The following ZMYM4 variants were observed in gnomAD, a reference collection of about 807,000 sequenced individuals.
ZMYM4 encodes the protein zinc finger MYM-type containing 4.
In ZMYM4, 31 loss-of-function variants were observed where a neutral mutation model predicts 183.2. That is an observed-to-expected ratio of 0.17 (90% CI 0.13 to 0.23). ZMYM4 has a LOEUF of 0.23. Ranked by LOEUF, ZMYM4 falls within the 10% of genes least tolerant of loss-of-function variation. The probability of loss-of-function intolerance (pLI) is 1.00; values close to 1 mark genes in which losing one functional copy is unlikely to be tolerated. For missense variants in ZMYM4, 1,273 were observed against 1,840.3 expected, an observed-to-expected ratio of 0.69 and a Z score of 5.64; for synonymous variants, 592 against 631.2, an observed-to-expected ratio of 0.94 and a Z score of 0.93.
At chr1:35,351,298 T>C in intron 2 of ZMYM4, 1 of 1,581,302 alleles carries the variant, frequency 6.3e-7, no homozygotes, top group Non-Finnish European at 8.6e-7. Context: ...AATGCAGAAG[T>C]ACACCGGAAG....
intron 1 of ZMYM4, among the ~76,000 whole-genome samples, chr1:35,298,098 A>G (rs1239747836): frequency 6.6e-6 from 1 of 152,218 alleles, no homozygotes; most frequent in Non-Finnish European, 1.5e-5. Flanking sequence ...ACCAGCTTCA[A>G]GGCTGAGATT....
rs1231646476 is a variant in ZMYM4, at chr1:35,352,386, G to GCGCGCACACACACA, written c.86-6538_86-6537insGCGCACACACACAC. Among the ~76,000 whole-genome samples, 222 of 128,470 alleles carry GCGCGCACACACACA rather than the reference G, an allele frequency of 1.7e-3. 2 individuals carry two copies. In the East Asian group the frequency reaches 0.018, roughly 11 times the overall value. The allele number at this position is 128,470 out of a possible 152,430, so 84.3% of individuals were successfully genotyped here. A position where few individuals can be genotyped will look rare whatever the true frequency, so the allele number is the denominator to read the frequency against. On this transcript the variant is annotated intron_variant, in intron 2 of 29. Transcript: ENST00000314607. ...CTCTACTAATAATTTAAAAATTAGC[G>GCGCGCACACACACA]CACACACACACACACACACACACAC...
chr1:35,304,341 G>A (rs997989033), intron 1 of ZMYM4, among the ~76,000 whole-genome samples: 8 of 152,178 alleles, frequency 5.3e-5, no homozygotes, highest in Middle Eastern at 3.4e-3. Context: ...TTCTTTAGAA[G>A]TATGCTTAAT....
chr1:35,392,299 T>C lies in ZMYM4; in HGVS notation c.2675T>C (p.Leu892Ser). ...CCAGTTATAGCCAATGTAGTATCAT[T>C]GGCAAGTGCCCCTGCTGCTCAGCCT... ...STPVIANVVSLASAPAAQPTV... is the reference protein window; with the variant it reads ...STPVIANVVSSASAPAAQPTV... The change falls in exon 16 of 30, where the codon TTG becomes TCG. Residue 892 changes from leucine (L) to serine (S), a missense_variant. Physicochemically the swap from Leu to Ser is moderately radical, Grantham distance 145. This residue lies in a region of ZMYM4 where 290 missense variants were observed against 353.3 expected (regional missense o/e 0.82). Coordinates refer to ENST00000314607, the MANE Select transcript of ZMYM4 (RefSeq NM_005095.3). 1.9e-6 allele frequency: 3 copies of C among 1,614,188 alleles called. No individual in the cohort carries two copies. Among genetic ancestry groups the C allele is most frequent in the Non-Finnish European group, 2.5e-6 (3 of 1,180,026 alleles).
chr1:35,337,899 A>G (rs1643043357), intron 2 of ZMYM4, among the ~76,000 whole-genome samples: 1 of 152,178 alleles, frequency 6.6e-6, no homozygotes, highest in African/African-American at 2.4e-5. Flanking sequence ...GGATTGCACA[A>G]CTGCACTCCA....
intron 1 of ZMYM4, among the ~76,000 whole-genome samples, chr1:35,287,900 G>A (rs575019258): frequency 1.1e-4 from 17 of 152,176 alleles, no homozygotes; most frequent in Admixed American, 2.0e-4. Flanking sequence ...CCCCACTCCC[G>A]GCCTATTTTT....
chr1:35,339,865 T>C (rs765983226), intron 2 of ZMYM4, among the ~76,000 whole-genome samples: 6 of 152,192 alleles, frequency 3.9e-5, no homozygotes, highest in Non-Finnish European at 8.8e-5. Flanking sequence ...CTACCTCCTT[T>C]CTCCAGTAAG....
intron 24 of ZMYM4, 84 bp downstream of exon 24, chr1:35,405,278 C>A (rs1644982059): frequency 1.3e-6 from 2 of 1,574,448 alleles, no homozygotes; most frequent in East Asian, 2.3e-5. Context: ...CATTTTAGGT[C>A]AAAAACCCCA....
At chr1:35,413,306 A>G (rs1639989095) in intron 26 of ZMYM4, among the ~76,000 whole-genome samples, 1 of 152,140 alleles carries the variant, frequency 6.6e-6, no homozygotes, top group Non-Finnish European at 1.5e-5. Flanking sequence ...TGGCCTCCCA[A>G]AGCACTGGGA....
chr1:35,283,803 T>C (rs1221741579), intron 1 of ZMYM4, among the ~76,000 whole-genome samples: 7 of 152,214 alleles, frequency 4.6e-5, no homozygotes, highest in Non-Finnish European at 1.0e-4. Context: ...CCTTTGTGCA[T>C]GTTTTTTAAT....
chr1:35,316,855 C>T (rs1397000340), intron 1 of ZMYM4, among the ~76,000 whole-genome samples: 4 of 152,210 alleles, frequency 2.6e-5, no homozygotes, highest in African/African-American at 7.2e-5. Flanking sequence ...CAATTGGTGG[C>T]TCACGCCTGT....
chr1:35,367,141 C>T (rs1644102819), intron 5 of ZMYM4, among the ~76,000 whole-genome samples: 1 of 151,716 alleles, frequency 6.6e-6, no homozygotes, highest in African/African-American at 2.4e-5. Context: ...ACACTTATTA[C>T]ACATATATTC....
At chr1:35,340,965 G>T (rs866893098) in intron 2 of ZMYM4, among the ~76,000 whole-genome samples, 1 of 152,030 alleles carries the variant, frequency 6.6e-6, no homozygotes, top group Non-Finnish European at 1.5e-5. Flanking sequence ...GTAGCCTATT[G>T]TGCCACCATA....
At chr1:35,352,271 A>ACGCGCG (rs1482344947) in intron 2 of ZMYM4, among the ~76,000 whole-genome samples, 5 of 4,222 alleles carry the variant, frequency 1.2e-3, no homozygotes, top group South Asian at 2.7e-3. Flanking sequence ...GCGCGCGCGC[A>ACGCGCG]CACACACACA....
At position 35,318,210 on chromosome 1, in the gene ZMYM4, C is replaced by A. The variant is rs531388691; in HGVS notation, c.40-7150C>A. ...AGTAGCTGTGACTACAGGCACGTGC[C>A]ACCATGCCTGGCAATTTTTGTATTT... On this transcript the variant is annotated intron_variant, in intron 1 of 29. Transcript: ENST00000314607. Among the ~76,000 whole-genome samples, 10 of 151,894 alleles carry A rather than the reference C, an allele frequency of 6.6e-5. No individual in the cohort carries two copies. The East Asian group carries it at 1.9e-3, about 30-fold the overall frequency.
chr1:35,419,430 A>T (rs1218293638), intron 29 of ZMYM4, 40 bp from the exon 30 acceptor site: 1 of 1,595,344 alleles, frequency 6.3e-7, no homozygotes, highest in Non-Finnish European at 8.6e-7. Context: ...TCTGATTTCT[A>T]ATTTTCTTTT....
At chr1:35,300,759 TTG>T (rs1641243373) in intron 1 of ZMYM4, among the ~76,000 whole-genome samples, 1 of 152,212 alleles carries the variant, frequency 6.6e-6, no homozygotes, top group East Asian at 1.9e-4. Flanking sequence ...ATGTATATCT[TTG>T]TGTCTCCTTA....
intron 1 of ZMYM4, among the ~76,000 whole-genome samples, chr1:35,314,443 C>T (rs1213547620): frequency 1.3e-5 from 2 of 151,738 alleles, no homozygotes; most frequent in Admixed American, 6.6e-5. Flanking sequence ...TGCCACCACA[C>T]CCGGCTAATT....
chr1:35,329,480 C>T (rs1161960037), intron 2 of ZMYM4, among the ~76,000 whole-genome samples: 2 of 152,116 alleles, frequency 1.3e-5, no homozygotes, highest in Non-Finnish European at 2.9e-5. Context: ...GATTTTTATT[C>T]ATTAAATGGC....
Sources: allele counts gnomAD v4.1 joint callset (sites outside exome capture counted in the v4.1 genomes callset), GRCh38; gene constraint gnomAD v4.1.1; regional missense constraint gnomAD v4.1.1; transcripts MANE v1.5; gene names NCBI Gene and HGNC (gene_info 2026-07-23, HGNC 2026-07-21).